Variants in TMPRSS11A observed in about 807,000 individuals in gnomAD.
TMPRSS11A encodes the protein transmembrane protease serine 11A.
A neutral mutation model predicts 58.9 loss-of-function variants in TMPRSS11A; 53 were observed. The observed-to-expected ratio is 0.90, with a 90% CI of 0.72 to 1.13. TMPRSS11A has a LOEUF of 1.13. Ranked by LOEUF, TMPRSS11A falls within the 50% of genes most tolerant of loss-of-function variation. TMPRSS11A has a pLI of 0.00. For missense variants in TMPRSS11A, 493 were observed against 499.3 expected (o/e 0.99, Z 0.12); for synonymous variants, 167 against 169.8 (o/e 0.98, Z 0.13).
At chr4:67,926,771 TG>T (rs1720483522) in intron 5 of TMPRSS11A, among the ~76,000 whole-genome samples, 1 of 151,852 alleles carries the variant, frequency 6.6e-6, no homozygotes, top group Admixed American at 6.5e-5. Context: ...TGCCCACTGG[TG>T]GGGGAGCAGC....
intron 5 of TMPRSS11A, among the ~76,000 whole-genome samples, chr4:67,925,184 C>T (rs1360661019): frequency 6.6e-6 from 1 of 152,094 alleles, no homozygotes; most frequent in Non-Finnish European, 1.5e-5. Flanking sequence ...ATTCTGTCAA[C>T]TTCCAAAAAA....
intron 7 of TMPRSS11A, among the ~76,000 whole-genome samples, chr4:67,920,549 A>ATTTT (rs1553922035): frequency 9.7e-4 from 127 of 130,896 alleles, no homozygotes; most frequent in African/African-American, 3.2e-3. Context: ...ATATATATAT[A>ATTTT]TTTTTTTTTA....
chr4:67,929,824 G>T (rs1174708183), intron 5 of TMPRSS11A, 56 bp downstream of exon 5: 4 of 1,375,390 alleles, frequency 2.9e-6, no homozygotes, highest in Non-Finnish European at 3.9e-6. Flanking sequence ...TTTGAGATTC[G>T]TCAAAACATG....
At chr4:67,915,131 A>G (rs1720112275) in intron 8 of TMPRSS11A, among the ~76,000 whole-genome samples, 1 of 151,952 alleles carries the variant, frequency 6.6e-6, no homozygotes, top group South Asian at 2.1e-4. Flanking sequence ...TACTATGTAC[A>G]TTTATTTTAT....
rs1349430374 is a variant in TMPRSS11A at position 67,919,211 on chromosome 4, C to A, written c.714G>T (p.Trp238Cys). The A allele has an allele frequency of 3.1e-6, 5 of 1,613,666 alleles. No individual in the cohort carries two copies. In the African/African-American group the frequency reaches 4.0e-5, roughly 13 times the overall value. The part of the protein sequence containing the change: ...CFQKYKNPHQ[W>C]TVSFGTKINP... ...TGATTTTTGTTCCAAAACTAACAGT[C>A]CATTGATGTGGATTTTTATACCTGG... Residue 238 changes from tryptophan to cysteine, a missense_variant, in exon 8 of 10, where the codon TGG (tryptophan) becomes TGT (cysteine). Physicochemically the swap from Trp to Cys is radical, Grantham distance 215 (BLOSUM62 -2). Transcript: ENST00000508048.
At chr4:67,938,557 A>G (rs1333837456) in intron 3 of TMPRSS11A, among the ~76,000 whole-genome samples, 1 of 152,096 alleles carries the variant, frequency 6.6e-6, no homozygotes, top group Non-Finnish European at 1.5e-5. Context: ...TCTTACATTT[A>G]ATTCTTTACT....
intron 3 of TMPRSS11A, among the ~76,000 whole-genome samples, chr4:67,936,367 A>G (rs1720753683): frequency 6.8e-6 from 1 of 146,806 alleles, no homozygotes; most frequent in Non-Finnish European, 1.5e-5. Context: ...GAAGTCAGCT[A>G]TGAACCATTC....
rs141899682 is a variant in TMPRSS11A at position 67,963,081 on chromosome 4, C to A, written c.11+302G>T. Among the ~76,000 whole-genome samples the A allele has an allele frequency of 1.5e-3, 226 of 152,214 alleles. 1 individual carries two copies. Among genetic ancestry groups the A allele is most frequent in the African/African-American group, 5.2e-3 (215 of 41,544 alleles). On this transcript the variant is annotated intron_variant, in intron 1 of 9. Coordinates refer to ENST00000508048, the MANE Select transcript of TMPRSS11A (RefSeq NM_001114387.2). ...TATAAACACCCTCCTTCCACACACA[C>A]AAAAAAATCAAAACCAATTAAGACA...
intron 3 of TMPRSS11A, 81 bp downstream of exon 3, chr4:67,944,438 G>A: frequency 6.7e-7 from 1 of 1,490,094 alleles, no homozygotes; most frequent in Non-Finnish European, 9.1e-7. Context: ...TGAAAATCAT[G>A]TTTTTAGAAA....
chr4:67,911,874 T>C (rs1388535317), intron 9 of TMPRSS11A, among the ~76,000 whole-genome samples: 1 of 152,192 alleles, frequency 6.6e-6, no homozygotes, highest in Non-Finnish European at 1.5e-5. Flanking sequence ...TATCACTAGA[T>C]AATATGCTCA....
chr4:67,930,755 A>G (rs1239145798), intron 4 of TMPRSS11A, among the ~76,000 whole-genome samples: 2 of 93,196 alleles, frequency 2.1e-5, no homozygotes, highest in Non-Finnish European at 4.7e-5. Flanking sequence ...GTTTTTGTTT[A>G]AAAAAAAAAA....
At chr4:67,955,562 C>T (rs979098871) in intron 1 of TMPRSS11A, among the ~76,000 whole-genome samples, 3 of 152,200 alleles carry the variant, frequency 2.0e-5, no homozygotes, top group Non-Finnish European at 4.4e-5. Flanking sequence ...CAAACTACTT[C>T]TATGAATTTA....
At chr4:67,950,005 A>G (rs918467041) in intron 1 of TMPRSS11A, among the ~76,000 whole-genome samples, 2 of 152,176 alleles carry the variant, frequency 1.3e-5, no homozygotes, top group Non-Finnish European at 2.9e-5. Flanking sequence ...TTGCTCCTGC[A>G]TTTTTTTGTG....
At chr4:67,928,479 T>C (rs1720530472) in intron 5 of TMPRSS11A, among the ~76,000 whole-genome samples, 1 of 152,282 alleles carries the variant, frequency 6.6e-6, no homozygotes, top group South Asian at 2.1e-4. Context: ...GAACAATTTA[T>C]GCTTTACTCT....
At chr4:67,917,816 A>C (rs1251457636) in intron 8 of TMPRSS11A, among the ~76,000 whole-genome samples, 2 of 152,210 alleles carry the variant, frequency 1.3e-5, no homozygotes, top group African/African-American at 4.8e-5. Flanking sequence ...AGAGAATGCA[A>C]GCCCTATCTT....
chr4:67,915,854 C>T (rs1720129833), intron 8 of TMPRSS11A, among the ~76,000 whole-genome samples: 1 of 152,142 alleles, frequency 6.6e-6, no homozygotes, highest in African/African-American at 2.4e-5. Context: ...GAACGTCTGA[C>T]TCATGAAAAC....
At chr4:67,934,372 G>A (rs1720700955) in intron 3 of TMPRSS11A, among the ~76,000 whole-genome samples, 1 of 152,146 alleles carries the variant, frequency 6.6e-6, no homozygotes, top group African/African-American at 2.4e-5. Flanking sequence ...TGTTTCCATG[G>A]CAGATGATGG....
chr4:67,951,304 A>G (rs995080124), intron 1 of TMPRSS11A, among the ~76,000 whole-genome samples: 4 of 152,220 alleles, frequency 2.6e-5, no homozygotes, highest in Admixed American at 2.6e-4. Context: ...TGTAGACTGA[A>G]AGACACATTC....
At chr4:67,946,217 A>G (rs759947021) in intron 2 of TMPRSS11A, among the ~76,000 whole-genome samples, 6 of 152,192 alleles carry the variant, frequency 3.9e-5, no homozygotes, top group Non-Finnish European at 8.8e-5. Flanking sequence ...TAAGGAAATT[A>G]GAAATCTGTC....
Sources: allele counts gnomAD v4.1 joint callset (sites outside exome capture counted in the v4.1 genomes callset), GRCh38; gene constraint gnomAD v4.1.1; transcripts MANE v1.5; gene names NCBI Gene and HGNC (gene_info 2026-07-23, HGNC 2026-07-21).